RETREG3: variants seen among roughly 807,000 people sequenced by gnomAD.
RETREG3 encodes the protein reticulophagy regulator family member 3.
A neutral mutation model predicts 50.2 loss-of-function variants in RETREG3; 23 were observed. The observed-to-expected ratio is 0.46, with a 90% confidence interval of 0.33 to 0.65. The LOEUF is 0.65. Among genes scored for constraint, RETREG3 ranks in the 30% least tolerant of loss-of-function variants. The pLI is 0.02. For missense variants in RETREG3, 546 were observed against 598.0 expected, an observed-to-expected ratio of 0.91 and a Z score of 0.91; for synonymous variants, 240 against 234.4, an observed-to-expected ratio of 1.02 and a Z score of -0.22.
At position 42,609,095 on chromosome 17, in the gene RETREG3, G is replaced by A. The variant is rs1597746394; in HGVS notation, c.230C>T (p.Ala77Val). ...RSALWCLGLNAAFWFFALTSL... is the reference protein window; with the variant it reads ...RSALWCLGLNVAFWFFALTSL... ...GGTCCAGTTCTCTCACCAGAAAGCCGCGTTCAGCCCCAGGCACCACAGAGC... is the reference window on the plus strand; with the variant it reads ...GGTCCAGTTCTCTCACCAGAAAGCCACGTTCAGCCCCAGGCACCACAGAGC... The change falls in exon 1 of 9, where the codon GCG becomes GTG. Residue 77 changes from alanine to valine, a missense_variant. Ala to Val is a moderately conservative substitution (Grantham distance 64). Transcript: ENST00000309428. The A allele has an allele frequency of 6.2e-7, 1 of 1,605,964 alleles. No individual in the cohort carries two copies. Among genetic ancestry groups the A allele is most frequent in the Admixed American group, 1.7e-5 (1 of 59,928 alleles).
Position 42,592,056 on chromosome 17 carries a change from C to G in RETREG3, c.346G>C (p.Val116Leu). 3 of 1,611,468 alleles carry G rather than the reference C, an allele frequency of 1.9e-6. No homozygotes were observed. Among genetic ancestry groups the G allele is most frequent in the Non-Finnish European group, 2.5e-6 (3 of 1,178,744 alleles). Residue 116 changes from valine to leucine, a missense_variant and splice_region_variant, in exon 2 of 9, where the codon GTG (valine) becomes CTG (leucine). Coordinates refer to ENST00000309428, the MANE Select transcript of RETREG3 (RefSeq NM_178126.4). ...TTGTTCTAAATGCTACCAAACTCAC[C>G]TTTTATTTCAGGCCAGATTTTGTTC... ...WKNKIWPEIK[V>L]PRPDALDNES... is the part of the protein sequence containing the mutation.
intron 1 of RETREG3, chr17:42,605,257 G>A (rs1367913590): frequency 2.9e-4 from 2 of 6,966 alleles, no homozygotes; most frequent in East Asian, 0.029. Context: ...CCTGAATTCT[G>A]ATGGGTTTTT....
At chr17:42,597,950 A>G (rs1359472334) in intron 1 of RETREG3, among the ~76,000 whole-genome samples, 1 of 144,378 alleles carries the variant, frequency 6.9e-6, no homozygotes, top group Non-Finnish European at 1.5e-5. Flanking sequence ...ATTTTATACC[A>G]CAAAGAAAAC....
chr17:42,588,199 C>CT (rs1386095937), intron 2 of RETREG3, among the ~76,000 whole-genome samples: 1 of 152,248 alleles, frequency 6.6e-6, no homozygotes, highest in African/African-American at 2.4e-5. Flanking sequence ...ACACATCAAT[C>CT]TGTGCCAGGC....
At chr17:42,597,613 ATATATATTTTTTTTTT>A (rs1311328179) in intron 1 of RETREG3, among the ~76,000 whole-genome samples, 6,756 of 53,618 alleles carry the variant, frequency 0.13, 633 homozygotes, top group East Asian at 0.26. Context: ...ATATATATAT[ATATATATTTTTTTTTT>A]TTTTTTTTTT....
intron 1 of RETREG3, chr17:42,599,010 C>G (rs2093153435): frequency 1.3e-5 from 2 of 151,934 alleles, no homozygotes; most frequent in South Asian, 4.1e-4. Context: ...AGCTTAATAT[C>G]CTTTCCCTAC....
intron 1 of RETREG3, among the ~76,000 whole-genome samples, chr17:42,608,401 C>T (rs1347720391): frequency 6.6e-6 from 1 of 152,226 alleles, no homozygotes; most frequent in East Asian, 1.9e-4. Context: ...CATCAATTTC[C>T]TTGCCTATAA....
intron 4 of RETREG3, chr17:42,586,381 A>G: frequency 2.1e-6 from 1 of 484,862 alleles, no homozygotes; most frequent in South Asian, 2.9e-5. Flanking sequence ...TGGTTTGAAT[A>G]GGACTTAGCC....
intron 1 of RETREG3, among the ~76,000 whole-genome samples, chr17:42,606,250 G>A (rs192819568): frequency 6.6e-6 from 1 of 152,094 alleles, no homozygotes; most frequent in Non-Finnish European, 1.5e-5. Context: ...GCAAATTAAA[G>A]CTAGCTGTAA....
At chr17:42,592,303 C>T (rs987426139) in intron 1 of RETREG3, 141 bp from the exon 2 acceptor site, 32 of 611,908 alleles carry the variant, frequency 5.2e-5, no homozygotes, top group African/African-American at 5.0e-4. Flanking sequence ...TAGTTATACA[C>T]CTAGGGTAAA....
intron 6 of RETREG3, 126 bp from the exon 7 acceptor site, chr17:42,583,706 A>C (rs911079890): frequency 1.3e-6 from 1 of 765,434 alleles, no homozygotes; most frequent in Non-Finnish European, 2.0e-6. Context: ...AAGCCTACAT[A>C]ATAATAACAG....
intron 4 of RETREG3, chr17:42,586,516 T>C (rs1324808898): frequency 2.3e-6 from 1 of 433,470 alleles, no homozygotes; most frequent in Non-Finnish European, 4.2e-6. Flanking sequence ...ACAAGAAAGC[T>C]TTCTTTCCTA....
Position 42,585,232 on chromosome 17 carries a change from A to G in RETREG3, c.620T>C (p.Val207Ala), listed in dbSNP as rs1567921124. Residue 207 changes from valine (V) to alanine (A), a missense_variant, in exon 6 of 9, where the codon GTG (valine) becomes GCG (alanine). Coordinates refer to ENST00000309428, the MANE Select transcript of RETREG3 (RefSeq NM_178126.4). ...TGCTCGATCCCACAGTCGGTGGTAC[A>G]CAGCAAGGGGCCACATCATGACAGT... is the stretch of plus-strand genomic sequence containing the variant. ...LVTVMMWPLA[V>A]YHRLWDRAYV... is the part of the protein sequence containing the mutation. 2 of 1,614,046 alleles carry G rather than the reference A, an allele frequency of 1.2e-6. No individual in the cohort carries two copies. Among genetic ancestry groups the G allele is most frequent in the Non-Finnish European group, 8.5e-7 (1 of 1,180,036 alleles).
At chr17:42,593,985 G>A (rs1306148422) in intron 1 of RETREG3, among the ~76,000 whole-genome samples, 2 of 152,106 alleles carry the variant, frequency 1.3e-5, no homozygotes, top group Admixed American at 6.5e-5. Flanking sequence ...GAGCTCAGGA[G>A]CTCGAGACAA....
intron 1 of RETREG3, among the ~76,000 whole-genome samples, chr17:42,607,110 T>A (rs1425621245): frequency 6.6e-6 from 1 of 152,146 alleles, no homozygotes; most frequent in East Asian, 1.9e-4. Context: ...AAAACCACTG[T>A]GGGAAATGTT....
intron 4 of RETREG3, 42 bp downstream of exon 4, chr17:42,586,723 C>G (rs1322747601): frequency 1.2e-6 from 2 of 1,605,168 alleles, no homozygotes; most frequent in Non-Finnish European, 1.7e-6. Context: ...ATGAACTGAA[C>G]TGAGAGGCCA....
At chr17:42,582,969 AT>A (rs35747013) in intron 7 of RETREG3, among the ~76,000 whole-genome samples, 163 bp from the exon 8 acceptor site, 37,662 of 150,204 alleles carry the variant, frequency 0.25, 5,079 homozygotes, top group Non-Finnish European at 0.3. Flanking sequence ...TCTCCCCTTT[AT>A]TTTTTTTTTA....
chr17:42,603,820 A>G (rs901451776), intron 1 of RETREG3, among the ~76,000 whole-genome samples: 1 of 152,200 alleles, frequency 6.6e-6, no homozygotes, highest in African/African-American at 2.4e-5. Context: ...TACTAAAAAT[A>G]CAAAAAATTA....
At position 42,609,226 on chromosome 17, in the gene RETREG3, C is replaced by G. The variant is rs754085949; in HGVS notation, c.99G>C (p.Gln33His). Residue 33 changes from glutamine to histidine, a missense_variant, in exon 1 of 9, where the codon CAG becomes CAC. Physicochemically the swap from Gln to His is conservative, Grantham distance 24. Transcript: ENST00000309428. ...RDVSGSWERDQQVEAAQRALV... is the reference protein window; with the variant it reads ...RDVSGSWERDHQVEAAQRALV... Reference sequence around the variant, plus strand: ...GGGCCCGCTGCGCCGCCTCAACCTGCTGGTCCCGCTCCCAGGAGCCTGACA... The same window carrying G: ...GGGCCCGCTGCGCCGCCTCAACCTGGTGGTCCCGCTCCCAGGAGCCTGACA... 2 of 1,608,640 alleles carry G rather than the reference C, an allele frequency of 1.2e-6. No individual in the cohort carries two copies. The highest frequency in any genetic ancestry group is 3.3e-5 in the Admixed American group (2 of 59,998).
Sources: gnomAD v4.1 joint callset for allele counts (sites outside exome capture counted in the v4.1 genomes callset) on GRCh38, gnomAD v4.1.1 for gene constraint, MANE v1.5 for transcripts, NCBI Gene and HGNC (gene_info 2026-07-23, HGNC 2026-07-21) for gene names.